Variants in SUGCT observed in about 807,000 individuals in gnomAD.
SUGCT encodes the protein succinyl-CoA:glutarate CoA-transferase.
SUGCT carries 41 observed loss-of-function variants against 55.0 expected under a neutral mutation model. The observed-to-expected ratio is 0.74, with a 90% CI of 0.58 to 0.97. The LOEUF (loss-of-function observed/expected upper bound fraction) is 0.97. Among genes scored for constraint, SUGCT ranks in the 50% least tolerant of loss-of-function variants. SUGCT has a pLI of 0.00. For synonymous variants in SUGCT, 187 were observed against 200.4 expected, an observed-to-expected ratio of 0.93 and a Z score of 0.56; for missense variants, 568 against 547.8, an observed-to-expected ratio of 1.04 and a Z score of -0.37.
intron 12 of SUGCT, among the ~76,000 whole-genome samples, chr7:40,676,497 G>GTTTTTTTT (rs1280564538): frequency 3.1e-5 from 4 of 127,640 alleles, no homozygotes; most frequent in Non-Finnish European, 4.8e-5. Flanking sequence ...TTGCGGTTTT[G>GTTTTTTTT]TTTTTTGTTT....
At chr7:40,219,081 G>A (rs755029130) in intron 6 of SUGCT, among the ~76,000 whole-genome samples, 1 of 152,156 alleles carries the variant, frequency 6.6e-6, no homozygotes, top group Non-Finnish European at 1.5e-5. Flanking sequence ...TGAAGCCAGC[G>A]AGACCATGAA....
chr7:40,524,738 T>G (rs1793716935), intron 12 of SUGCT, among the ~76,000 whole-genome samples: 1 of 152,208 alleles, frequency 6.6e-6, no homozygotes, highest in Non-Finnish European at 1.5e-5. Flanking sequence ...CATTATTGGC[T>G]TCCGTAGTTT....
the SUGCT span, among the ~76,000 whole-genome samples, chr7:40,982,999 A>G: frequency 6.6e-6 from 1 of 152,132 alleles, no homozygotes; most frequent in African/African-American, 2.4e-5. Flanking sequence ...TTTAGCAAGA[A>G]CCCTAGGACA....
At chr7:40,693,546 A>C (rs369389963) in intron 12 of SUGCT, among the ~76,000 whole-genome samples, 7 of 152,308 alleles carry the variant, frequency 4.6e-5, no homozygotes, top group African/African-American at 1.7e-4. Flanking sequence ...CAGAGCTGGG[A>C]TTTGAACCCA....
At chr7:40,470,785 T>G (rs1023833460) in intron 11 of SUGCT, among the ~76,000 whole-genome samples, 2 of 148,620 alleles carry the variant, frequency 1.3e-5, no homozygotes, top group Non-Finnish European at 1.5e-5. Context: ...CTCTCTGTCT[T>G]TCTCTCTCTG....
At chr7:40,309,441 C>G (rs1795023450) in intron 8 of SUGCT, among the ~76,000 whole-genome samples, 1 of 152,110 alleles carries the variant, frequency 6.6e-6, no homozygotes, top group Admixed American at 6.6e-5. Context: ...ATTATAGGCA[C>G]TCACCACCAT....
chr7:40,656,799 C>T (rs924224646), intron 12 of SUGCT, among the ~76,000 whole-genome samples: 1 of 152,198 alleles, frequency 6.6e-6, no homozygotes, highest in African/African-American at 2.4e-5. Flanking sequence ...GAGATCCAAC[C>T]CCACTCTTTG....
At chr7:40,184,093 TG>T (rs1369299467) in intron 3 of SUGCT, among the ~76,000 whole-genome samples, 2 of 152,178 alleles carry the variant, frequency 1.3e-5, no homozygotes, top group East Asian at 3.9e-4. Context: ...GAGAATCTCT[TG>T]AACCTGGGAG....
chr7:40,980,605 G>A, the SUGCT span, among the ~76,000 whole-genome samples: 2 of 152,060 alleles, frequency 1.3e-5, no homozygotes, highest in Non-Finnish European at 2.9e-5. Context: ...GGTGGGACAG[G>A]CATAGGATAG....
At chr7:40,833,176 T>C (rs569316224) in intron 13 of SUGCT, among the ~76,000 whole-genome samples, 1 of 152,150 alleles carries the variant, frequency 6.6e-6, no homozygotes, top group African/African-American at 2.4e-5. Context: ...ATAGATCCCA[T>C]TGTAGTTGAA....
At chr7:40,751,733 A>G (rs370405474) in intron 13 of SUGCT, among the ~76,000 whole-genome samples, 10 of 152,158 alleles carry the variant, frequency 6.6e-5, no homozygotes, top group African/African-American at 2.2e-4. Flanking sequence ...TAACCCCACA[A>G]GTTTACAGAT....
At chr7:41,030,989 T>A in the SUGCT span, among the ~76,000 whole-genome samples, 2 of 152,030 alleles carry the variant, frequency 1.3e-5, no homozygotes, top group Non-Finnish European at 2.9e-5. Context: ...GAGATAAGAG[T>A]CTCACTCTGC....
the SUGCT span, among the ~76,000 whole-genome samples, chr7:40,882,072 C>T: frequency 1.3e-5 from 2 of 152,144 alleles, no homozygotes; most frequent in South Asian, 4.1e-4. Context: ...ATGAAATGTC[C>T]TTGTTATAGA....
At chr7:40,366,018 A>G (rs189201746) in intron 9 of SUGCT, among the ~76,000 whole-genome samples, 4 of 152,344 alleles carry the variant, frequency 2.6e-5, no homozygotes, top group Non-Finnish European at 5.9e-5. Flanking sequence ...AAACTTTACT[A>G]CGAGGCTACA....
At chr7:40,176,665 T>A (rs1271915554) in intron 1 of SUGCT, among the ~76,000 whole-genome samples, 1 of 151,652 alleles carries the variant, frequency 6.6e-6, no homozygotes, top group African/African-American at 2.4e-5. Flanking sequence ...TAAGGCACTA[T>A]CGGTAGAGAT....
intron 12 of SUGCT, among the ~76,000 whole-genome samples, chr7:40,700,951 A>G (rs1434901223): frequency 6.6e-6 from 1 of 152,112 alleles, no homozygotes; most frequent in African/African-American, 2.4e-5. Context: ...CCTGTAGCCA[A>G]TCCATTCTGA....
intron 13 of SUGCT, among the ~76,000 whole-genome samples, chr7:40,761,217 C>T (rs1788515303): frequency 6.6e-6 from 1 of 152,148 alleles, no homozygotes; most frequent in African/African-American, 2.4e-5. Context: ...GCTGCCACTG[C>T]CAGATGGACG....
intron 12 of SUGCT, among the ~76,000 whole-genome samples, chr7:40,638,277 TA>T (rs1272685744): frequency 6.6e-6 from 1 of 152,236 alleles, no homozygotes; most frequent in Non-Finnish European, 1.5e-5. Flanking sequence ...TCAAGTGGTT[TA>T]TTTTTTTAAA....
chr7:41,038,766 C>T, the SUGCT span, among the ~76,000 whole-genome samples: 1 of 152,056 alleles, frequency 6.6e-6, no homozygotes, highest in South Asian at 2.1e-4. Flanking sequence ...ACATTGGGCT[C>T]CATCTCTCTT....
Sources: allele counts gnomAD v4.1 joint callset (sites outside exome capture counted in the v4.1 genomes callset), GRCh38; gene constraint gnomAD v4.1.1; transcripts MANE v1.5; gene names NCBI Gene and HGNC (gene_info 2026-07-23, HGNC 2026-07-21).